The following KCNAB1 variants were observed in gnomAD, a reference collection of about 807,000 sequenced individuals.
KCNAB1 encodes the protein voltage-gated potassium channel subunit beta-1.
A neutral mutation model predicts 64.6 loss-of-function variants in KCNAB1; 35 were observed. The ratio of observed to expected loss-of-function variants is 0.54; its 90% CI spans 0.41 to 0.72. The LOEUF (loss-of-function observed/expected upper bound fraction) is 0.72, where lower values mean the gene tolerates loss of function less well. Ranked by LOEUF, KCNAB1 falls within the 30% of genes least tolerant of loss-of-function variation. The pLI is 0.00. For synonymous variants in KCNAB1, 177 were observed against 183.8 expected, an observed-to-expected ratio of 0.96 and a Z score of 0.30; for missense variants, 401 against 512.9, an observed-to-expected ratio of 0.78 and a Z score of 2.11.
chr3:156,269,985 G>A (rs769952199), intron 1 of KCNAB1, among the ~76,000 whole-genome samples: 3 of 144,434 alleles, frequency 2.1e-5, no homozygotes, highest in Non-Finnish European at 4.5e-5. Flanking sequence ...GCACAATCTC[G>A]GCTCACTGCA....
At chr3:156,121,940 TGTACC>T (rs543129979) in intron 1 of KCNAB1, among the ~76,000 whole-genome samples, 76 of 152,222 alleles carry the variant, frequency 5.0e-4, no homozygotes, top group Non-Finnish European at 9.1e-4. Flanking sequence ...ACTAAAAACT[TGTACC>T]GTACACTTTA....
chr3:156,534,595 G>A (rs1718928491), intron 13 of KCNAB1, among the ~76,000 whole-genome samples: 1 of 152,080 alleles, frequency 6.6e-6, no homozygotes, highest in Non-Finnish European at 1.5e-5. Flanking sequence ...TCAGAGCTTC[G>A]GCGATAACAG....
At chr3:156,394,617 C>T (rs1216873690) in intron 1 of KCNAB1, among the ~76,000 whole-genome samples, 1 of 152,114 alleles carries the variant, frequency 6.6e-6, no homozygotes, top group African/African-American at 2.4e-5. Flanking sequence ...TGTTTGAGGC[C>T]AGATCACCTA....
At chr3:156,341,324 C>T (rs1724099733) in intron 1 of KCNAB1, among the ~76,000 whole-genome samples, 1 of 152,188 alleles carries the variant, frequency 6.6e-6, no homozygotes, top group African/African-American at 2.4e-5. Context: ...GAGTTAAGTT[C>T]TTCTGAGGCA....
At chr3:156,175,953 C>A (rs1712341269) in intron 1 of KCNAB1, 2 of 988,820 alleles carry the variant, frequency 2.0e-6, no homozygotes, top group Admixed American at 1.7e-5. Context: ...CATGGCCGGG[C>A]AGCTCATACA....
At chr3:156,314,888 C>T (rs149503250) in intron 1 of KCNAB1, among the ~76,000 whole-genome samples, 2,151 of 152,232 alleles carry the variant, frequency 0.014, 21 homozygotes, top group South Asian at 0.031. Context: ...GTGGCACATG[C>T]CTGTAGTCCC....
chr3:156,523,854 G>A lies in KCNAB1; in HGVS notation c.988G>A (p.Val330Ile). ...CTACCAGTGGTTGAAAGAAAGAATT[G>A]TAAGTGAAGAAGGGAGAAAACAGCA... ...KCYQWLKERI[V>I]SEEGRKQQNK... Residue 330 changes from valine to isoleucine, a missense_variant, in exon 12 of 14, where the codon GTA becomes ATA. Transcript: ENST00000490337. 1.2e-6 allele frequency: 2 copies of A among 1,613,562 alleles called. No individual in the cohort carries two copies. Among genetic ancestry groups the A allele is most frequent in the East Asian group, 2.2e-5 (1 of 44,874 alleles).
At chr3:156,417,925 G>A (rs895570267) in intron 1 of KCNAB1, among the ~76,000 whole-genome samples, 5 of 152,180 alleles carry the variant, frequency 3.3e-5, no homozygotes, top group Non-Finnish European at 7.3e-5. Flanking sequence ...CTTTACTGAC[G>A]CTGTAGGATT....
chr3:156,416,105 C>A (rs1715054541), intron 1 of KCNAB1, among the ~76,000 whole-genome samples: 1 of 152,182 alleles, frequency 6.6e-6, no homozygotes, highest in African/African-American at 2.4e-5. Context: ...TATCTGGAAT[C>A]TTCCCCATCC....
chr3:156,516,460 C>A, intron 11 of KCNAB1, 96 bp downstream of exon 11: 1 of 893,392 alleles, frequency 1.1e-6, no homozygotes, highest in Non-Finnish European at 1.9e-6. Context: ...CTTCCCAGCT[C>A]AGGCTGACTG....
At chr3:156,200,483 CTG>C (rs1459479270) in intron 1 of KCNAB1, among the ~76,000 whole-genome samples, 3 of 152,340 alleles carry the variant, frequency 2.0e-5, no homozygotes, top group African/African-American at 7.2e-5. Context: ...AAGCCCCTGA[CTG>C]GGGCTGGTGC....
intron 1 of KCNAB1, among the ~76,000 whole-genome samples, chr3:156,239,311 A>G (rs2108446413): frequency 6.6e-6 from 1 of 152,312 alleles, no homozygotes; most frequent in African/African-American, 2.4e-5. Flanking sequence ...TTTCATGTTA[A>G]ATGTAAAGAT....
At chr3:156,276,474 TCTC>T (rs571103172) in intron 1 of KCNAB1, among the ~76,000 whole-genome samples, 6 of 152,290 alleles carry the variant, frequency 3.9e-5, no homozygotes, top group Admixed American at 3.9e-4. Context: ...AACATTTACT[TCTC>T]CTCTCTAGCT....
chr3:156,313,329 A>G (rs1011613275), intron 1 of KCNAB1, among the ~76,000 whole-genome samples: 1 of 152,200 alleles, frequency 6.6e-6, no homozygotes, highest in Non-Finnish European at 1.5e-5. Flanking sequence ...ATGATCTCCC[A>G]AAATCCCTGG....
intron 1 of KCNAB1, among the ~76,000 whole-genome samples, chr3:156,205,284 T>G (rs923869540): frequency 2.8e-4 from 43 of 152,198 alleles, no homozygotes; most frequent in Admixed American, 1.8e-3. Flanking sequence ...ACATCCACCT[T>G]GGTATGAATT....
At chr3:156,322,754 A>G (rs1420786979) in intron 1 of KCNAB1, among the ~76,000 whole-genome samples, 1 of 152,182 alleles carries the variant, frequency 6.6e-6, no homozygotes, top group South Asian at 2.1e-4. Context: ...TTAATATTTA[A>G]CAGAACCACT....
At chr3:156,132,522 A>G (rs1438751533) in intron 1 of KCNAB1, among the ~76,000 whole-genome samples, 1 of 152,018 alleles carries the variant, frequency 6.6e-6, no homozygotes. Context: ...TGTGAGATGG[A>G]GTTGCTGCAA....
intron 1 of KCNAB1, among the ~76,000 whole-genome samples, chr3:156,196,638 G>C (rs1013252108): frequency 2.6e-5 from 4 of 152,156 alleles, no homozygotes; most frequent in South Asian, 2.1e-4. Flanking sequence ...AGGAATGCTT[G>C]TGATTTTTGC....
chr3:156,504,194 A>G (rs1033462803), intron 8 of KCNAB1, among the ~76,000 whole-genome samples: 1 of 152,184 alleles, frequency 6.6e-6, no homozygotes, highest in African/African-American at 2.4e-5. Flanking sequence ...TATTTCACAT[A>G]ATATAATGTC....
Sources: allele counts gnomAD v4.1 joint callset (sites outside exome capture counted in the v4.1 genomes callset), GRCh38; gene constraint gnomAD v4.1.1; transcripts MANE v1.5; gene names NCBI Gene and HGNC (gene_info 2026-07-23, HGNC 2026-07-21).